ACSS3: variants seen among roughly 807,000 people sequenced by gnomAD.
ACSS3 encodes the protein acyl-CoA synthetase short-chain family member 3, mitochondrial.
A neutral mutation model predicts 84.2 loss-of-function variants in ACSS3; 64 were observed. The ratio of observed to expected loss-of-function variants is 0.76; its 90% CI spans 0.62 to 0.94. The LOEUF (loss-of-function observed/expected upper bound fraction) is 0.94. Ranked by LOEUF, ACSS3 falls within the 40% of genes least tolerant of loss-of-function variation. The pLI is 0.00. For missense variants in ACSS3, 815 were observed against 867.6 expected (o/e 0.94, Z 0.76); for synonymous variants, 317 against 310.1 (o/e 1.02, Z -0.23).
chr12:81,134,441 T>G (rs578012555), intron 2 of ACSS3, among the ~76,000 whole-genome samples: 1 of 152,282 alleles, frequency 6.6e-6, no homozygotes, highest in Admixed American at 6.5e-5. Flanking sequence ...CAGATTCACC[T>G]TTTGCAATAC....
rs1304849944 is a variant in ACSS3 at position 81,130,283 on chromosome 12, A to G, written c.457-4533A>G. 3.9e-5 allele frequency among the ~76,000 whole-genome samples: 6 copies of G among 152,242 alleles called. No homozygotes were observed. In the East Asian group the frequency reaches 1.2e-3, roughly 29 times the overall value. On this transcript the variant is annotated intron_variant, in intron 2 of 15. Transcript: ENST00000548058. ...CCTATTTCTCCACATCCTGTCCAGC[A>G]CCTGTTGTTTCCTGACTTTTTAATG...
At position 81,213,871 on chromosome 12, in the gene ACSS3, T is replaced by C. The variant is rs1351938030; in HGVS notation, c.1355-3030T>C. Among the ~76,000 whole-genome samples, 60 of 130,798 alleles carry C rather than the reference T, an allele frequency of 4.6e-4. 2 individuals are homozygous for C. The East Asian group carries it at 7.7e-3, about 17-fold the overall frequency. The allele number at this position is 130,798 out of a possible 152,430, so 85.8% of individuals were successfully genotyped here. The stretch of plus-strand genomic sequence containing the variant: ...CTCTCCTCTCTTCTCTTCCTTTCTT[T>C]CTTTCTTTCTTTCCTTTCTTTCTTT... On this transcript the variant is annotated intron_variant, in intron 9 of 15. Transcript: ENST00000548058.
chr12:81,093,763 T>C (rs1881830261), intron 1 of ACSS3, among the ~76,000 whole-genome samples: 1 of 152,182 alleles, frequency 6.6e-6, no homozygotes, highest in African/African-American at 2.4e-5. Context: ...TGCAATGAAC[T>C]AAGCTATAGG....
intron 8 of ACSS3, among the ~76,000 whole-genome samples, chr12:81,195,519 C>G (rs76110323): frequency 6.6e-6 from 1 of 151,952 alleles, no homozygotes; most frequent in Admixed American, 6.6e-5. Context: ...TCTCAAATTA[C>G]AAATATATAC....
intron 8 of ACSS3, among the ~76,000 whole-genome samples, chr12:81,197,339 G>T (rs552331603): frequency 6.6e-6 from 1 of 151,920 alleles, no homozygotes; most frequent in Admixed American, 6.6e-5. Context: ...TCACTACTGC[G>T]GTCAAATGCA....
chr12:81,248,948 A>G (rs1441679595), intron 13 of ACSS3, among the ~76,000 whole-genome samples: 1 of 152,038 alleles, frequency 6.6e-6, no homozygotes, highest in Non-Finnish European at 1.5e-5. Context: ...AAAATATTTC[A>G]GGGAACTCTA....
chr12:81,162,213 A>G (rs1887187571), intron 7 of ACSS3, among the ~76,000 whole-genome samples: 1 of 152,214 alleles, frequency 6.6e-6, no homozygotes, highest in Non-Finnish European at 1.5e-5. Context: ...TAATTGAGCA[A>G]CAGTACGGTC....
At chr12:81,207,809 C>A (rs562584424) in intron 9 of ACSS3, among the ~76,000 whole-genome samples, 3 of 152,014 alleles carry the variant, frequency 2.0e-5, no homozygotes, top group Non-Finnish European at 4.4e-5. Flanking sequence ...TTATCTCATG[C>A]CTTCATTAAC....
intron 4 of ACSS3, among the ~76,000 whole-genome samples, chr12:81,140,365 A>G (rs1297544914): frequency 6.7e-6 from 1 of 150,094 alleles, no homozygotes; most frequent in African/African-American, 2.4e-5. Flanking sequence ...ATTTATGATA[A>G]GACCAACTTG....
At chr12:81,106,764 G>A (rs1358233372) in intron 1 of ACSS3, among the ~76,000 whole-genome samples, 2 of 152,148 alleles carry the variant, frequency 1.3e-5, no homozygotes, top group African/African-American at 2.4e-5. Flanking sequence ...ATGGGGTCAG[G>A]TCTAAAACAG....
chr12:81,093,173 G>C (rs1881780446), intron 1 of ACSS3, among the ~76,000 whole-genome samples: 1 of 152,128 alleles, frequency 6.6e-6, no homozygotes, highest in Non-Finnish European at 1.5e-5. Flanking sequence ...TTCTGAGCCA[G>C]ACGCAGTGGC....
intron 9 of ACSS3, among the ~76,000 whole-genome samples, chr12:81,206,227 G>A (rs11835638): frequency 2.0e-5 from 3 of 151,806 alleles, no homozygotes; most frequent in African/African-American, 7.3e-5. Context: ...CACTATGGTG[G>A]GAGGGTTTCT....
chr12:81,209,587 G>C (rs2032502329), intron 9 of ACSS3, among the ~76,000 whole-genome samples: 2 of 152,126 alleles, frequency 1.3e-5, no homozygotes, highest in South Asian at 4.2e-4. Context: ...ACCGCAAGAA[G>C]GGGTTCTTGG....
chr12:81,235,818 A>G (rs1366356194), intron 13 of ACSS3, among the ~76,000 whole-genome samples: 2 of 151,522 alleles, frequency 1.3e-5, no homozygotes, highest in African/African-American at 4.8e-5. Flanking sequence ...GCAGACTGAT[A>G]TGTAACCTAT....
chr12:81,156,654 A>G (rs527588419), intron 7 of ACSS3, among the ~76,000 whole-genome samples: 26 of 152,310 alleles, frequency 1.7e-4, no homozygotes, highest in African/African-American at 6.3e-4. Flanking sequence ...TAATAGGGGA[A>G]TACTATGAGA....
intron 1 of ACSS3, among the ~76,000 whole-genome samples, chr12:81,085,323 A>G (rs1396328327): frequency 6.6e-6 from 1 of 152,240 alleles, no homozygotes; most frequent in Non-Finnish European, 1.5e-5. Context: ...TGAGCTAAAT[A>G]TCTCAATATT....
chr12:81,151,956 C>T (rs1438929529), intron 6 of ACSS3, 32 bp downstream of exon 6: 5 of 1,612,514 alleles, frequency 3.1e-6, no homozygotes, highest in Admixed American at 1.7e-5. Context: ...CATTACATGA[C>T]ATTCTCTGAA....
rs1002962055 is a variant in ACSS3 at position 81,129,595 on chromosome 12, C to T, written c.457-5221C>T. ...CTTGGTCACATTTGGCTGTGACCTG[C>T]GATTTTGAGATCTTTGTTTCACACA... is the stretch of plus-strand genomic sequence containing the variant. On this transcript the variant is annotated intron_variant, in intron 2 of 15. Transcript: ENST00000548058. Among the ~76,000 whole-genome samples, 12 of 135,692 alleles carry T rather than the reference C, an allele frequency of 8.8e-5. No homozygotes were observed. In the East Asian group the frequency reaches 1.9e-3, roughly 21 times the overall value. 89.0% of individuals were successfully genotyped at this position (135,692 alleles called of 152,430 possible). A position where few individuals can be genotyped will look rare whatever the true frequency, so the allele number is the denominator to read the frequency against.
intron 13 of ACSS3, among the ~76,000 whole-genome samples, chr12:81,246,008 G>A (rs1946681728): frequency 6.6e-6 from 1 of 152,100 alleles, no homozygotes; most frequent in African/African-American, 2.4e-5. Flanking sequence ...GTGCCTCTGG[G>A]GAGAGGAAGG....
Sources: allele counts gnomAD v4.1 joint callset (sites outside exome capture counted in the v4.1 genomes callset), GRCh38; gene constraint gnomAD v4.1.1; transcripts MANE v1.5; gene names NCBI Gene and HGNC (gene_info 2026-07-23, HGNC 2026-07-21).